Variants in RIN3 observed in about 807,000 individuals in gnomAD.
RIN3 encodes the protein Ras and Rab interactor 3.
Under a neutral mutation model 76.3 loss-of-function variants are expected in RIN3, and 54 were observed. The ratio of observed to expected loss-of-function variants is 0.71; its 90% CI spans 0.57 to 0.89. The LOEUF is 0.89. RIN3 is among the 40% of genes least tolerant of loss of function. RIN3 has a pLI of 0.00. For missense variants in RIN3, 1,256 were observed against 1,322.1 expected (o/e 0.95, Z 0.78); for synonymous variants, 576 against 564.0 (o/e 1.02, Z -0.30).
At chr14:92,584,112 T>TCTGCCTATA (rs141069882) in intron 3 of RIN3, among the ~76,000 whole-genome samples, 1,789 of 152,248 alleles carry the variant, frequency 0.012, 36 homozygotes, top group African/African-American at 0.04. Context: ...ACTATGCCAT[T>TCTGCCTATA]TCATATCAAG....
intron 2 of RIN3, among the ~76,000 whole-genome samples, chr14:92,565,976 A>T (rs1897906129): frequency 6.6e-6 from 1 of 152,228 alleles, no homozygotes; most frequent in African/African-American, 2.4e-5. Flanking sequence ...GTCAAGATGG[A>T]TCACCTCTGA....
intron 4 of RIN3, among the ~76,000 whole-genome samples, chr14:92,632,862 G>A (rs1886639259): frequency 6.6e-6 from 1 of 152,244 alleles, no homozygotes. Context: ...CTCAGGAGTG[G>A]CTTCATGGGC....
rs36065720 is a variant in RIN3 at position 92,598,471 on chromosome 14, C to T, written c.368-16936C>T. On this transcript the variant is annotated intron_variant, in intron 3 of 9. Coordinates refer to ENST00000216487, the MANE Select transcript of RIN3 (RefSeq NM_024832.5). The stretch of plus-strand genomic sequence containing the variant: ...GAGCTACAATAAGATAGCTATTATT[C>T]TAAGCCACTAAATTTTGCAAATGAT... 2.1e-3 allele frequency among the ~76,000 whole-genome samples: 320 copies of T among 152,370 alleles called. 1 individual carries two copies. Among genetic ancestry groups the T allele is most frequent in the Non-Finnish European group, 3.9e-3 (262 of 68,036 alleles).
At chr14:92,591,366 C>G (rs1338259777) in intron 3 of RIN3, among the ~76,000 whole-genome samples, 1 of 151,876 alleles carries the variant, frequency 6.6e-6, no homozygotes, top group African/African-American at 2.4e-5. Context: ...AAAGGTGTAA[C>G]AGACATATAA....
chr14:92,600,118 G>A (rs1351598234), intron 3 of RIN3, among the ~76,000 whole-genome samples: 1 of 152,198 alleles, frequency 6.6e-6, no homozygotes, highest in Non-Finnish European at 1.5e-5. Context: ...CACCACCTGC[G>A]CTCAGAACCA....
At position 92,651,873 on chromosome 14, in the gene RIN3, G is replaced by T; in HGVS notation, c.824G>T (p.Trp275Leu). 1.2e-6 allele frequency: 2 copies of T among 1,606,420 alleles called. No homozygotes were observed. The highest frequency in any genetic ancestry group is 1.7e-6 in the Non-Finnish European group (2 of 1,176,080). The change falls in exon 6 of 10, where the codon TGG (tryptophan) becomes TTG (leucine). Residue 275 changes from tryptophan to leucine, a missense_variant. Around this residue, in one of 3 missense-constraint regions of RIN3, gnomAD observed 610 missense variants for 626.4 expected, o/e 0.97. Transcript: ENST00000216487. Reference protein sequence around the residue: ...TSDATSPTSRWAPRRPPPPPP... With the variant: ...TSDATSPTSRLAPRRPPPPPP... ...GATGCCACCTCACCCACCTCCAGGT[G>T]GGCCCCACGCCGCCCACCACCCCCT...
rs1278996364 is a variant in RIN3, at chr14:92,643,793, T to C, written c.532+2464T>C. 6.6e-6 allele frequency among the ~76,000 whole-genome samples: 1 copy of C among 152,156 alleles called. No individual in the cohort carries two copies. Among genetic ancestry groups the C allele is most frequent in the Non-Finnish European group, 1.5e-5 (1 of 68,026 alleles). ...AAATATAAAAATTAAGTGGGCATAA[T>C]GGCATGTGCCTGTAATCCCAGCTAC... is the stretch of plus-strand genomic sequence containing the variant. On this transcript the variant is annotated intron_variant, in intron 5 of 9. Transcript: ENST00000216487. The surrounding 1 kb of genome is among the most constrained non-coding windows in gnomAD (Gnocchi z 4.8).
At chr14:92,627,411 GACCACAGA>G (rs767283270) in intron 4 of RIN3, among the ~76,000 whole-genome samples, 76 of 152,320 alleles carry the variant, frequency 5.0e-4, no homozygotes, top group Non-Finnish European at 8.8e-4. Flanking sequence ...AAGATGAGGT[GACCACAGA>G]ACCACAGAAC....
At chr14:92,566,357 C>T (rs537943209) in intron 2 of RIN3, among the ~76,000 whole-genome samples, 12 of 152,326 alleles carry the variant, frequency 7.9e-5, no homozygotes, top group Admixed American at 3.3e-4. Context: ...AGACACCTCA[C>T]CCATTCGAAG....
chr14:92,519,607 C>T (rs117363257), intron 1 of RIN3, among the ~76,000 whole-genome samples: 7,735 of 152,162 alleles, frequency 0.051, 284 homozygotes, highest in Admixed American at 0.086. Flanking sequence ...GAGGGGCGGC[C>T]CTACCAACAG....
intron 5 of RIN3, among the ~76,000 whole-genome samples, chr14:92,650,687 G>T (rs1470017112): frequency 6.6e-6 from 1 of 152,214 alleles, no homozygotes; most frequent in Non-Finnish European, 1.5e-5. Context: ...GACTGCAATT[G>T]TTCCCAAGAT....
At chr14:92,637,705 A>G (rs1886824988) in intron 4 of RIN3, among the ~76,000 whole-genome samples, 5 of 152,216 alleles carry the variant, frequency 3.3e-5, no homozygotes, top group Admixed American at 3.3e-4. Context: ...TCAAGGGTTA[A>G]GTGGGATAAC....
chr14:92,544,394 C>T (rs1897198778), intron 1 of RIN3, among the ~76,000 whole-genome samples: 1 of 109,178 alleles, frequency 9.2e-6, no homozygotes, highest in South Asian at 3.4e-4. Context: ...GGCTTCTGCT[C>T]TGGTGGCTTG....
chr14:92,679,896 A>G (rs1028365165), intron 8 of RIN3, among the ~76,000 whole-genome samples: 1 of 152,218 alleles, frequency 6.6e-6, no homozygotes, highest in African/African-American at 2.4e-5. Context: ...CAAGTCACCT[A>G]ACCTCTCTGG....
chr14:92,536,983 T>A (rs1415909618), intron 1 of RIN3, among the ~76,000 whole-genome samples: 1 of 149,738 alleles, frequency 6.7e-6, no homozygotes, highest in Non-Finnish European at 1.5e-5. Flanking sequence ...TCCGAGTAGG[T>A]AATATGCTCA....
Position 92,648,965 on chromosome 14 carries a change from C to T in RIN3, c.533-2617C>T, listed in dbSNP as rs1174657381. 6.6e-6 allele frequency among the ~76,000 whole-genome samples: 1 copy of T among 152,118 alleles called. No individual in the cohort carries two copies. Among genetic ancestry groups the T allele is most frequent in the Non-Finnish European group, 1.5e-5 (1 of 68,026 alleles). ...TAGCCAAGACCTGCTGGTGGGGCAG[C>T]GCATGGCACGTGGAGGAAGGAGTGA... On this transcript the variant is annotated intron_variant, in intron 5 of 9. Transcript: ENST00000216487. This position sits in a 1 kb window ranked among gnomAD's most constrained non-coding sequence, Gnocchi z 4.1.
In RIN3 at chr14:92,652,786, G is replaced by T; in HGVS notation, c.1737G>T (p.Arg579=). ...KKPSMILGKA[R]HRLSFASFSS... ...CCTCCATGATCCTGGGCAAGGCTCG[G>T]CACCGGCTGAGCTTTGCCAGTTTCA... Residue 579 remains arginine (R), a synonymous_variant, in exon 6 of 10, where the codon CGG becomes CGT. Coordinates refer to ENST00000216487, the MANE Select transcript of RIN3 (RefSeq NM_024832.5). The surrounding 1 kb of genome is among the most constrained non-coding windows in gnomAD (Gnocchi z 6.4). 1 of 1,614,020 alleles carries T rather than the reference G, an allele frequency of 6.2e-7. No individual in the cohort carries two copies. The highest frequency in any genetic ancestry group is 1.7e-5 in the Admixed American group (1 of 60,032).
At chr14:92,557,293 C>T (rs1897616900) in intron 2 of RIN3, among the ~76,000 whole-genome samples, 1 of 152,220 alleles carries the variant, frequency 6.6e-6, no homozygotes, top group African/African-American at 2.4e-5. Flanking sequence ...ATTGAGTGCC[C>T]TCCCCCAGGG....
chr14:92,684,020 C>G (rs1888755012), intron 8 of RIN3, among the ~76,000 whole-genome samples: 1 of 152,112 alleles, frequency 6.6e-6, no homozygotes, highest in Non-Finnish European at 1.5e-5. Context: ...TAAATGTTCT[C>G]AGAACACTTA....
Sources: allele counts gnomAD v4.1 joint callset (sites outside exome capture counted in the v4.1 genomes callset), GRCh38; gene constraint gnomAD v4.1.1; regional missense constraint gnomAD v4.1.1; non-coding constraint Gnocchi (gnomAD v3.1); transcripts MANE v1.5; gene names NCBI Gene and HGNC (gene_info 2026-07-23, HGNC 2026-07-21).